Variants in MYCT1 observed in about 807,000 individuals in gnomAD.
The protein encoded by MYCT1 is MYC target 1.
MYCT1 carries 12 observed loss-of-function variants against 15.0 expected under a neutral mutation model. The observed-to-expected ratio is 0.80, with a 90% confidence interval of 0.51 to 1.29. The LOEUF (loss-of-function observed/expected upper bound fraction) is 1.29, where lower values mean the gene tolerates loss of function less well. MYCT1 is among the 50% of genes most tolerant of loss of function. MYCT1 has a pLI of 0.00. For synonymous variants in MYCT1, 104 were observed against 102.7 expected (o/e 1.01, Z -0.07); for missense variants, 287 against 279.1 (o/e 1.03, Z -0.20).
chr6:152,726,415 A>T (rs1337209092), downstream of MYCT1, among the ~76,000 whole-genome samples: 2 of 150,638 alleles, frequency 1.3e-5, no homozygotes, highest in African/African-American at 4.9e-5. Context: ...AAAAAAAAAG[A>T]GAATGGCTGA....
the MYCT1 span, among the ~76,000 whole-genome samples, chr6:152,743,846 G>C: frequency 1.2e-4 from 18 of 152,216 alleles, no homozygotes; most frequent in African/African-American, 4.1e-4. Flanking sequence ...GAACATTAGT[G>C]TTCCAGACTT....
At chr6:152,702,982 C>A (rs13340470) in intron 1 of MYCT1, among the ~76,000 whole-genome samples, 3,865 of 152,230 alleles carry the variant, frequency 0.025, 142 homozygotes, top group African/African-American at 0.084. Context: ...TTTAATACAT[C>A]CCTGACCTCA....
the MYCT1 span, among the ~76,000 whole-genome samples, chr6:152,739,965 T>A: frequency 4.6e-5 from 7 of 152,094 alleles, no homozygotes; most frequent in Non-Finnish European, 1.0e-4. Context: ...AATTCTTAAT[T>A]CAGAGTAAGA....
At chr6:152,744,496 A>AGTT in the MYCT1 span, among the ~76,000 whole-genome samples, 1 of 152,078 alleles carries the variant, frequency 6.6e-6, no homozygotes, top group African/African-American at 2.4e-5. Flanking sequence ...AATTGAGGAG[A>AGTT]GTTTAATAAA....
rs1226981631 is a variant in MYCT1 at position 152,721,725 on chromosome 6, T to C, written c.197-17T>C. 1.3e-6 allele frequency: 2 copies of C among 1,592,414 alleles called. No homozygotes were observed. The highest frequency in any genetic ancestry group is 1.1e-5 in the South Asian group (1 of 88,088). ...CTATTTAAAAATTGATTTAGCAATTTGTTTTCTTTGTTTCAGAGGACCTTA... is the reference window on the plus strand; with the variant it reads ...CTATTTAAAAATTGATTTAGCAATTCGTTTTCTTTGTTTCAGAGGACCTTA... On this transcript the variant is annotated splice_polypyrimidine_tract_variant and intron_variant, in intron 1 of 1. Transcript: ENST00000367245.
chr6:152,698,832 C>T (rs1436150272), intron 1 of MYCT1, among the ~76,000 whole-genome samples: 1 of 151,970 alleles, frequency 6.6e-6, no homozygotes, highest in African/African-American at 2.4e-5. Context: ...TGTCTGAGTC[C>T]AGCCACAGCT....
Position 152,722,216 on chromosome 6 carries a change from C to T in MYCT1, c.671C>T (p.Ala224Val), listed in dbSNP as rs752316348. ...GGCCTTTCAACACCGCCCCCACCTG[C>T]CTATGAGTCCATCATCAAGGCATTC... is the stretch of plus-strand genomic sequence containing the variant. ...RVGLSTPPPP[A>V]YESIIKAFPD... The change falls in exon 2 of 2, where the codon GCC becomes GTC. Residue 224 changes from alanine to valine, a missense_variant. Transcript: ENST00000367245. 4.3e-6 allele frequency: 7 copies of T among 1,613,976 alleles called. No individual in the cohort carries two copies. In the South Asian group the frequency reaches 7.7e-5, roughly 18 times the overall value.
In MYCT1 at chr6:152,700,578, T is replaced by G. The variant is rs185309943; in HGVS notation, c.196+2480T>G. Among the ~76,000 whole-genome samples, 659 of 152,276 alleles carry G rather than the reference T, an allele frequency of 4.3e-3. 6 individuals are homozygous for G. Among genetic ancestry groups the G allele is most frequent in the Middle Eastern group, 0.02 (6 of 294 alleles). ...TTAAGTGCAAGGGTTGGCAACAAAG[T>G]TAGCCTGAAAGTGACAACACAGATG... On this transcript the variant is annotated intron_variant, in intron 1 of 1. Transcript: ENST00000367245.
chr6:152,720,366 G>A (rs2099724470), intron 1 of MYCT1, among the ~76,000 whole-genome samples: 1 of 151,974 alleles, frequency 6.6e-6, no homozygotes, highest in Non-Finnish European at 1.5e-5. Context: ...AGATTCAAGG[G>A]GTGGGGAAAT....
the MYCT1 span, among the ~76,000 whole-genome samples, chr6:152,736,947 G>A: frequency 8.5e-5 from 13 of 152,106 alleles, no homozygotes; most frequent in Non-Finnish European, 1.6e-4. Flanking sequence ...GAAAGATATA[G>A]ATCTTAACAG....
At chr6:152,732,647 T>C in the MYCT1 span, among the ~76,000 whole-genome samples, 2 of 152,218 alleles carry the variant, frequency 1.3e-5, no homozygotes, top group Non-Finnish European at 2.9e-5. Flanking sequence ...TTTTCAAATA[T>C]AGATTCAAAA....
At chr6:152,738,345 T>G in the MYCT1 span, among the ~76,000 whole-genome samples, 1 of 152,112 alleles carries the variant, frequency 6.6e-6, no homozygotes, top group Non-Finnish European at 1.5e-5. Context: ...TGAAAGGAAA[T>G]ATGGAGAAAA....
intron 1 of MYCT1, among the ~76,000 whole-genome samples, chr6:152,708,821 T>C (rs1468078052): frequency 6.6e-6 from 1 of 152,080 alleles, no homozygotes; most frequent in Non-Finnish European, 1.5e-5. Context: ...TGGTGATTAA[T>C]TTGAATTCTG....
At chr6:152,712,798 A>G (rs975147054) in intron 1 of MYCT1, among the ~76,000 whole-genome samples, 1 of 152,106 alleles carries the variant, frequency 6.6e-6, no homozygotes, top group Admixed American at 6.6e-5. Flanking sequence ...GTCTTTTATG[A>G]ATGTAATGTT....
At chr6:152,720,203 G>C (rs2099724437) in intron 1 of MYCT1, among the ~76,000 whole-genome samples, 1 of 151,900 alleles carries the variant, frequency 6.6e-6, no homozygotes, top group Non-Finnish European at 1.5e-5. Flanking sequence ...CTCATCATCT[G>C]GCAGGCTAGT....
chr6:152,731,553 G>A, the MYCT1 span, among the ~76,000 whole-genome samples: 8 of 152,010 alleles, frequency 5.3e-5, no homozygotes, highest in African/African-American at 1.7e-4. Context: ...CTGGTGTGTG[G>A]TGTTCCTCAC....
chr6:152,717,541 G>A (rs569260185), intron 1 of MYCT1, among the ~76,000 whole-genome samples: 4 of 152,200 alleles, frequency 2.6e-5, no homozygotes, highest in South Asian at 4.1e-4. Flanking sequence ...TAAGTCTCAC[G>A]AGATCTGATG....
At chr6:152,727,611 A>G (rs2099725893), downstream of MYCT1, among the ~76,000 whole-genome samples, 1 of 152,240 alleles carries the variant, frequency 6.6e-6, no homozygotes, top group Non-Finnish European at 1.5e-5. Context: ...ACGGCCATGC[A>G]AGTGCACTAG....
intron 1 of MYCT1, among the ~76,000 whole-genome samples, chr6:152,713,453 G>A (rs546438656): frequency 6.6e-6 from 1 of 152,164 alleles, no homozygotes; most frequent in African/African-American, 2.4e-5. Context: ...CATGTGCCCA[G>A]TAATTTCATA....
Sources: allele counts gnomAD v4.1 joint callset (sites outside exome capture counted in the v4.1 genomes callset), GRCh38; gene constraint gnomAD v4.1.1; transcripts MANE v1.5; gene names NCBI Gene and HGNC (gene_info 2026-07-23, HGNC 2026-07-21).